KAZN: variants seen among roughly 807,000 people sequenced by gnomAD.
KAZN encodes the protein kazrin, periplakin interacting protein.
Under a neutral mutation model 87.4 loss-of-function variants are expected in KAZN, and 40 were observed. The ratio of observed to expected loss-of-function variants is 0.46; its 90% CI spans 0.36 to 0.60. KAZN has a LOEUF of 0.60. Ranked by LOEUF, KAZN falls within the 20% of genes least tolerant of loss-of-function variation. The probability of loss-of-function intolerance (pLI) is 0.00; values close to 1 mark genes in which losing one functional copy is unlikely to be tolerated. For missense variants in KAZN, 898 were observed against 1,073.9 expected, an observed-to-expected ratio of 0.84 and a Z score of 2.29; for synonymous variants, 466 against 458.3, an observed-to-expected ratio of 1.02 and a Z score of -0.22.
intron 1 of KAZN, among the ~76,000 whole-genome samples, chr1:14,065,389 T>C (rs141148954): frequency 7.2e-5 from 11 of 152,186 alleles, no homozygotes; most frequent in African/African-American, 2.4e-4. Context: ...GAACAAACAC[T>C]GTGTTAGGGT....
intron 2 of KAZN, chr1:14,350,928 GTTGCACATTGAAA>G (rs1215336841): frequency 6.6e-6 from 1 of 152,298 alleles, no homozygotes; most frequent in East Asian, 1.9e-4. Context: ...GCAGGCGTCT[GTTGCACATTGAAA>G]CATGCCTTTC....
chr1:15,060,028 G>A, intron 5 of KAZN, 144 bp from the exon 6 acceptor site: 1 of 1,049,648 alleles, frequency 9.5e-7, no homozygotes, highest in Non-Finnish European at 1.4e-6. Flanking sequence ...GTAGGGGGTT[G>A]GAGAACCAGG....
At chr1:14,905,906 T>C (rs1043416498) in intron 1 of KAZN, among the ~76,000 whole-genome samples, 36 of 142,334 alleles carry the variant, frequency 2.5e-4, no homozygotes, top group Middle Eastern at 4.7e-3. Flanking sequence ...CGGTGGCTCA[T>C]GCCTGTAATC....
intron 1 of KAZN, among the ~76,000 whole-genome samples, chr1:14,149,099 C>CCTTT (rs1557515735): frequency 1.1e-4 from 9 of 84,370 alleles, no homozygotes; most frequent in African/African-American, 4.1e-4. Flanking sequence ...TCCTTTCTTT[C>CCTTT]TTTCCTTTTT....
At chr1:14,913,076 T>C (rs978657550) in intron 1 of KAZN, among the ~76,000 whole-genome samples, 19 of 152,326 alleles carry the variant, frequency 1.2e-4, no homozygotes, top group African/African-American at 4.3e-4. Flanking sequence ...CACGGGCAAC[T>C]GGGAGGCCCC....
intron 1 of KAZN, among the ~76,000 whole-genome samples, chr1:14,851,943 C>A (rs1355021768): frequency 1.3e-5 from 2 of 152,212 alleles, no homozygotes; most frequent in African/African-American, 2.4e-5. Context: ...AGACCCAGGT[C>A]CTCCGGAAGA....
At chr1:14,854,169 CA>C (rs1447756418) in intron 1 of KAZN, among the ~76,000 whole-genome samples, 8 of 152,152 alleles carry the variant, frequency 5.3e-5, no homozygotes, top group African/African-American at 1.7e-4. Flanking sequence ...TCTCATCTTA[CA>C]GGTGCAGAAA....
chr1:14,238,436 G>C (rs1055961779), intron 2 of KAZN, among the ~76,000 whole-genome samples: 1 of 152,088 alleles, frequency 6.6e-6, no homozygotes, highest in Non-Finnish European at 1.5e-5. Flanking sequence ...CCCTCATATC[G>C]AGCCAAGTGA....
At chr1:14,375,745 G>T (rs185039631) in intron 2 of KAZN, among the ~76,000 whole-genome samples, 1 of 152,172 alleles carries the variant, frequency 6.6e-6, no homozygotes, top group South Asian at 2.1e-4. Context: ...AAAATTAGCC[G>T]GGTGTGGTGG....
At chr1:14,523,971 T>A (rs1671720090) in intron 2 of KAZN, among the ~76,000 whole-genome samples, 1 of 151,702 alleles carries the variant, frequency 6.6e-6, no homozygotes, top group Non-Finnish European at 1.5e-5. Flanking sequence ...TATATCCACG[T>A]GGCTTAAAGG....
chr1:14,673,148 T>TATATC (rs1640014686), intron 1 of KAZN, among the ~76,000 whole-genome samples: 1 of 152,182 alleles, frequency 6.6e-6, no homozygotes, highest in African/African-American at 2.4e-5. Flanking sequence ...AGCTGGAGGT[T>TATATC]ACAGGGCAGC....
intron 2 of KAZN, among the ~76,000 whole-genome samples, chr1:15,010,774 C>T (rs955239130): frequency 5.3e-5 from 8 of 152,166 alleles, no homozygotes; most frequent in Non-Finnish European, 7.4e-5. Flanking sequence ...TGGCAGTGTT[C>T]TCTTCTCTCA....
At chr1:14,985,133 C>A (rs1469330132) in intron 2 of KAZN, among the ~76,000 whole-genome samples, 1 of 140,986 alleles carries the variant, frequency 7.1e-6, no homozygotes, top group African/African-American at 2.7e-5. Context: ...AAGACTCTGT[C>A]TCAAAAAAAA....
At chr1:14,156,915 T>C (rs199864173) in intron 1 of KAZN, among the ~76,000 whole-genome samples, 4,433 of 150,882 alleles carry the variant, frequency 0.029, 219 homozygotes, top group African/African-American at 0.1. Context: ...CTTTTGTTTT[T>C]TTTTTTTTTT....
At chr1:14,828,786 A>G (rs770383065) in intron 1 of KAZN, among the ~76,000 whole-genome samples, 3 of 152,190 alleles carry the variant, frequency 2.0e-5, no homozygotes, top group African/African-American at 4.8e-5. Context: ...GTCTCTTTCC[A>G]TCTTTCCAAG....
intron 2 of KAZN, among the ~76,000 whole-genome samples, chr1:14,295,755 G>T (rs913904977): frequency 1.3e-5 from 2 of 152,144 alleles, no homozygotes; most frequent in African/African-American, 4.8e-5. Context: ...CTTTCTCAGG[G>T]ATTCCTTCCT....
chr1:14,960,775 G>C lies in KAZN; in HGVS notation c.318G>C (p.Ser106=), dbSNP rs149192185. ...TGTTGGCGAAGGACCTGGAGGAGTC[G>C]CAGGGCGGCAAGTCCTCTGAGGTCC... The part of the protein sequence containing the change: ...KEMLAKDLEE[S]QGGKSSEVLS... The change falls in exon 2 of 15, where the codon TCG becomes TCC. Residue 106 remains serine, a synonymous_variant. Coordinates refer to ENST00000376030, the MANE Select transcript of KAZN (RefSeq NM_201628.3). 6.2e-7 allele frequency: 1 copy of C among 1,609,356 alleles called. No individual in the cohort carries two copies. The highest frequency in any genetic ancestry group is 1.7e-5 in the Admixed American group (1 of 59,386).
Position 14,550,739 on chromosome 1 carries a change from C to CTCTCT in KAZN, c.250-48244_250-48243insTCTCT, listed in dbSNP as rs1480745409. ...TCTCTCTCTCTCTCTCTCTCTCTCT[C>CTCTCT]CCCCACCCCGCCACCCCCTCTCCCC... On this transcript the variant is annotated intron_variant, in intron 2 of 16. Coordinates refer to the KAZN transcript ENST00000636203. 6.4e-3 allele frequency among the ~76,000 whole-genome samples: 443 copies of CTCTCT among 69,754 alleles called. 1 individual carries two copies. Among genetic ancestry groups the CTCTCT allele is most frequent in the Non-Finnish European group, 9.4e-3 (286 of 30,308 alleles). 45.8% of individuals were successfully genotyped at this position (69,754 alleles called of 152,430 possible). A position where few individuals can be genotyped will look rare whatever the true frequency, so the allele number is the denominator to read the frequency against.
At chr1:14,870,081 T>C (rs541358156) in intron 1 of KAZN, among the ~76,000 whole-genome samples, 36 of 152,218 alleles carry the variant, frequency 2.4e-4, no homozygotes, top group Admixed American at 2.2e-3. Context: ...CTGTGGAAAA[T>C]CCCAGTATCT....
Sources: gnomAD v4.1 joint callset for allele counts (sites outside exome capture counted in the v4.1 genomes callset) on GRCh38, gnomAD v4.1.1 for gene constraint, MANE v1.5 for transcripts, NCBI Gene and HGNC (gene_info 2026-07-23, HGNC 2026-07-21) for gene names.